The following SLC12A3 variants were observed in gnomAD, a reference collection of about 807,000 sequenced individuals.
SLC12A3 encodes Na-Cl cotransporter.
A neutral mutation model predicts 121.0 loss-of-function variants in SLC12A3; 104 were observed. The ratio of observed to expected loss-of-function variants is 0.86; its 90% confidence interval spans 0.73 to 1.01. SLC12A3 has a LOEUF of 1.01. Among genes scored for constraint, SLC12A3 ranks in the 50% least tolerant of loss-of-function variants. The pLI, the probability that SLC12A3 is intolerant of heterozygous loss-of-function variation, is 0.00. For synonymous variants in SLC12A3, 536 were observed against 533.4 expected (o/e 1.00, Z -0.07); for missense variants, 1,328 against 1,356.3 (o/e 0.98, Z 0.33).
intron 25 of SLC12A3, among the ~76,000 whole-genome samples, chr16:56,908,059 C>T (rs1183574313): frequency 6.6e-6 from 1 of 150,714 alleles, no homozygotes; most frequent in East Asian, 1.9e-4. Context: ...TCAGTCTGCC[C>T]CTGGGACTCA....
chr16:56,910,816 G>A (rs144320987), intron 25 of SLC12A3, among the ~76,000 whole-genome samples: 3 of 152,338 alleles, frequency 2.0e-5, no homozygotes, highest in Non-Finnish European at 2.9e-5. Flanking sequence ...ATCTGAAGTC[G>A]CCTTTCTTTG....
rs1294568997 is a variant in SLC12A3, at chr16:56,879,346, TAGG to T, written c.1335+122_1335+124del. On this transcript the variant is annotated intron_variant, in intron 10 of 25. Coordinates refer to ENST00000563236, the MANE Select transcript of SLC12A3 (RefSeq NM_001126108.2). ...AGTTTTGGGGGTTGAGGCCTAGGCT[TAGG>T]AGAGAGGGGTTCAGAGCCCAGGTCT... 7 of 1,356,392 alleles carry T rather than the reference TAGG, an allele frequency of 5.2e-6. No individual in the cohort carries two copies. In the African/African-American group the frequency reaches 1.0e-4, roughly 19 times the overall value. 84.0% of individuals were successfully genotyped at this position (1,356,392 alleles called of 1,614,324 possible).
Position 56,884,042 on chromosome 16 carries a change from G to A in SLC12A3, c.1670-7G>A, listed in dbSNP as rs2055276518. 5.0e-6 allele frequency: 8 copies of A among 1,614,058 alleles called. No homozygotes were observed. Among genetic ancestry groups the A allele is most frequent in the East Asian group, 2.2e-5 (1 of 44,872 alleles). ...GGCATGCCCACTGACTGGTGCCCTT[G>A]GCCCAGGGTGGAGACCTTCATTCCA... On this transcript the variant is annotated splice_polypyrimidine_tract_variant and splice_region_variant and intron_variant, in intron 13 of 25. Transcript: ENST00000563236.
chr16:56,880,177 A>G lies in SLC12A3; in HGVS notation c.1491A>G (p.Lys497=). The part of the protein sequence containing the change: ...QLYPLIGFFG[K]GYGKNKEPVR... The stretch of plus-strand genomic sequence containing the variant: ...ACCCACTGATCGGCTTCTTCGGCAA[A>G]GGCTATGGCAAGAACAAGGAGCCCG... Residue 497 remains lysine, a synonymous_variant, in exon 12 of 26, where the codon AAA becomes AAG. Transcript: ENST00000563236. 6.2e-7 allele frequency: 1 copy of G among 1,604,492 alleles called. No individual in the cohort carries two copies. The highest frequency in any genetic ancestry group is 8.5e-7 in the Non-Finnish European group (1 of 1,176,534).
intron 18 of SLC12A3, among the ~76,000 whole-genome samples, chr16:56,889,400 G>A (rs1271923697): frequency 2.6e-5 from 4 of 152,212 alleles, no homozygotes; most frequent in Non-Finnish European, 5.9e-5. Flanking sequence ...CCAGTGGTGG[G>A]CGGGCTCTTG....
intron 18 of SLC12A3, among the ~76,000 whole-genome samples, chr16:56,888,649 C>T (rs1482356262): frequency 6.7e-6 from 1 of 148,646 alleles, no homozygotes; most frequent in African/African-American, 2.5e-5. Context: ...AGCTCCGCCT[C>T]CCGGGTTCAC....
chr16:56,903,523 C>T (rs2055566988), intron 24 of SLC12A3, among the ~76,000 whole-genome samples: 1 of 152,132 alleles, frequency 6.6e-6, no homozygotes, highest in South Asian at 2.1e-4. Flanking sequence ...GAGAGACCTG[C>T]GATGCTGCCA....
At chr16:56,884,267 G>C in intron 14 of SLC12A3, 63 bp downstream of exon 14, 2 of 1,568,646 alleles carry the variant, frequency 1.3e-6, no homozygotes, top group South Asian at 1.1e-5. Flanking sequence ...AGGCGGCCCT[G>C]CCCTCCGCCC....
chr16:56,887,798 AT>A (rs1211988197), intron 17 of SLC12A3, 126 bp from the exon 18 acceptor site: 168 of 68,482 alleles, frequency 2.5e-3, no homozygotes, highest in South Asian at 7.9e-3. Context: ...ATATATATAT[AT>A]TTTTTTTTTT....
At chr16:56,908,671 G>A (rs1387225621) in intron 25 of SLC12A3, among the ~76,000 whole-genome samples, 1 of 152,164 alleles carries the variant, frequency 6.6e-6, no homozygotes, top group Non-Finnish European at 1.5e-5. Context: ...GCTTCCTGGG[G>A]CTTTAGGGAC....
rs2055409960 is a variant in SLC12A3 at position 56,892,980 on chromosome 16, A to G, written c.2447A>G (p.Glu816Gly). 6.2e-7 allele frequency: 1 copy of G among 1,614,202 alleles called. No individual in the cohort carries two copies. Among genetic ancestry groups the G allele is most frequent in the Non-Finnish European group, 8.5e-7 (1 of 1,180,016 alleles). Residue 816 changes from glutamate to glycine, a missense_variant, in exon 21 of 26, where the codon GAG becomes GGG. Coordinates refer to ENST00000563236, the MANE Select transcript of SLC12A3 (RefSeq NM_001126108.2). ...RVDPKALVKE[E>G]QATTIFQSEQ... ...GACCCCAAGGCCCTGGTGAAGGAGG[A>G]GCAGGCCACCACCATCTTCCAGTCG... is the stretch of plus-strand genomic sequence containing the variant.
chr16:56,900,523 A>T (rs947606921), intron 23 of SLC12A3, among the ~76,000 whole-genome samples: 10 of 148,076 alleles, frequency 6.8e-5, no homozygotes, highest in Admixed American at 2.1e-4. Context: ...TCTGATTTTT[A>T]TTTATTTATT....
chr16:56,909,852 C>G (rs1233783801), intron 25 of SLC12A3, among the ~76,000 whole-genome samples: 1 of 152,056 alleles, frequency 6.6e-6, no homozygotes, highest in East Asian at 1.9e-4. Context: ...TGTCTAGCAT[C>G]TGGGAGAGCG....
chr16:56,873,654 C>G (rs1227182961), intron 8 of SLC12A3, among the ~76,000 whole-genome samples: 1 of 150,094 alleles, frequency 6.7e-6, no homozygotes, highest in African/African-American at 2.4e-5. Flanking sequence ...TCCCAAAGTG[C>G]TGGGATTATA....
At position 56,902,407 on chromosome 16, in the gene SLC12A3, C is replaced by T. The variant is rs12708965; in HGVS notation, c.2755C>T (p.Arg919Cys). 32,065 of 1,612,492 alleles carry T rather than the reference C, an allele frequency of 0.02. 623 individuals carry two copies. The highest frequency in any genetic ancestry group is 0.071 in the African/African-American group (5,340 of 74,878). The change falls in exon 24 of 26, where the codon CGT (arginine) becomes TGT (cysteine). Residue 919 changes from arginine to cysteine, a missense_variant. By Grantham distance (180) the Arg-to-Cys change is radical (BLOSUM62 -3). Transcript: ENST00000563236. ...KRFEDMIAPF[R>C]LNDGFKDEAT... ...GTTTGAGGACATGATTGCACCCTTC[C>T]GTCTGAATGATGGCTTCAAGGATGA...
chr16:56,904,187 CT>C, intron 24 of SLC12A3: 2 of 550,608 alleles, frequency 3.6e-6, no homozygotes, highest in South Asian at 3.6e-5. Flanking sequence ...CCACAGAATG[CT>C]TCTTGGAGGA....
chr16:56,875,448 G>T (rs2144701981), intron 8 of SLC12A3, among the ~76,000 whole-genome samples: 1 of 152,284 alleles, frequency 6.6e-6, no homozygotes, highest in African/African-American at 2.4e-5. Context: ...TTTTTACCAT[G>T]ATATAGACAA....
intron 22 of SLC12A3, among the ~76,000 whole-genome samples, chr16:56,898,532 A>G (rs2055495905): frequency 6.6e-6 from 1 of 152,172 alleles, no homozygotes; most frequent in Admixed American, 6.5e-5. Context: ...TGCTGGGATT[A>G]CAGGCATGAG....
intron 8 of SLC12A3, among the ~76,000 whole-genome samples, chr16:56,873,822 AT>A (rs2055134000): frequency 6.7e-6 from 1 of 149,174 alleles, no homozygotes; most frequent in African/African-American, 2.5e-5. Context: ...AGTGATTCTC[AT>A]GCCTCAGCCT....
Sources: allele counts gnomAD v4.1 joint callset (sites outside exome capture counted in the v4.1 genomes callset), GRCh38; gene constraint gnomAD v4.1.1; transcripts MANE v1.5; gene names NCBI Gene and HGNC (gene_info 2026-07-23, HGNC 2026-07-21).